The following ICA1 variants were observed in gnomAD, a reference collection of about 807,000 sequenced individuals.
ICA1 encodes 69 kDa islet cell autoantigen.
Under a neutral mutation model 71.0 loss-of-function variants are expected in ICA1, and 40 were observed. The ratio of observed to expected loss-of-function variants is 0.56; its 90% CI spans 0.44 to 0.73. ICA1 has a LOEUF of 0.73. ICA1 is among the 30% of genes least tolerant of loss of function. The pLI is 0.00. For synonymous variants in ICA1, 207 were observed against 209.5 expected, an observed-to-expected ratio of 0.99 and a Z score of 0.10; for missense variants, 578 against 576.5, an observed-to-expected ratio of 1.00 and a Z score of -0.03.
chr7:8,254,665 TAGGGCAGACC>T (rs1166783689), intron 1 of ICA1, among the ~76,000 whole-genome samples: 1 of 151,728 alleles, frequency 6.6e-6, no homozygotes, highest in Non-Finnish European at 1.5e-5. Flanking sequence ...ATGTACCCTC[TAGGGCAGACC>T]AGGTAGAAAA....
intron 6 of ICA1, among the ~76,000 whole-genome samples, chr7:8,192,129 A>G (rs1008921086): frequency 2.0e-5 from 3 of 152,248 alleles, no homozygotes; most frequent in African/African-American, 7.2e-5. Flanking sequence ...AATTATTGAA[A>G]TCAGGAAATT....
At chr7:8,126,716 T>C (rs1289563509) in intron 13 of ICA1, among the ~76,000 whole-genome samples, 5 of 152,168 alleles carry the variant, frequency 3.3e-5, no homozygotes, top group African/African-American at 1.2e-4. Flanking sequence ...CCTAAATTCA[T>C]AGAAAAACCA....
intron 12 of ICA1, among the ~76,000 whole-genome samples, chr7:8,136,437 C>T (rs1162968094): frequency 2.6e-5 from 4 of 152,190 alleles, no homozygotes; most frequent in South Asian, 2.1e-4. Flanking sequence ...TTCCAAAGGG[C>T]ACACATTTTG....
In ICA1 at chr7:8,173,017, T is replaced by C. The variant is rs1808960618; in HGVS notation, c.580-14365A>G. On this transcript the variant is annotated intron_variant, in intron 6 of 13. Coordinates refer to ENST00000402384, the MANE Select transcript of ICA1 (RefSeq NM_001136020.3). The surrounding 1 kb of genome is among the most constrained non-coding windows in gnomAD (Gnocchi z 4.0). ...ACTGACAACGGAGGTGAAAGTAAAATAGGGGCTTAGTTGCTTTGCTTTCTT... is the reference window on the plus strand; with the variant it reads ...ACTGACAACGGAGGTGAAAGTAAAACAGGGGCTTAGTTGCTTTGCTTTCTT... Among the ~76,000 whole-genome samples the C allele has an allele frequency of 6.6e-6, 1 of 152,188 alleles. No individual in the cohort carries two copies. Among genetic ancestry groups the C allele is most frequent in the African/African-American group, 2.4e-5 (1 of 41,454 alleles).
chr7:8,241,911 T>C (rs912758339), intron 1 of ICA1, among the ~76,000 whole-genome samples: 3 of 152,184 alleles, frequency 2.0e-5, no homozygotes, highest in African/African-American at 7.2e-5. Context: ...CCCAGATTCA[T>C]AAAGCAAATC....
intron 6 of ICA1, among the ~76,000 whole-genome samples, chr7:8,214,080 C>A (rs1794663824): frequency 6.6e-6 from 1 of 152,196 alleles, no homozygotes; most frequent in African/African-American, 2.4e-5. Context: ...TATGAGGACT[C>A]AGACTCCTAT....
chr7:8,159,009 A>C (rs2128198122), intron 6 of ICA1, among the ~76,000 whole-genome samples: 1 of 152,336 alleles, frequency 6.6e-6, no homozygotes, highest in East Asian at 1.9e-4. Context: ...TACAGTCTTT[A>C]GAAGCTGAGT....
chr7:8,130,148 G>A lies in ICA1; in HGVS notation c.1061-2006C>T, dbSNP rs898691799. 2.6e-5 allele frequency among the ~76,000 whole-genome samples: 4 copies of A among 152,096 alleles called. No homozygotes were observed. The highest frequency in any genetic ancestry group is 7.2e-5 in the African/African-American group (3 of 41,396). The stretch of plus-strand genomic sequence containing the variant: ...GTTCCAAGTCTTTGCTGCTAGTGCC[G>A]CAATAAACATACGTGGGCATGTGTC... On this transcript the variant is annotated intron_variant, in intron 12 of 13. Coordinates refer to ENST00000402384, the MANE Select transcript of ICA1 (RefSeq NM_001136020.3). The surrounding 1 kb of genome is among the most constrained non-coding windows in gnomAD (Gnocchi z 4.2).
intron 4 of ICA1, among the ~76,000 whole-genome samples, chr7:8,224,207 T>A (rs1220447606): frequency 6.6e-6 from 1 of 152,086 alleles, no homozygotes; most frequent in East Asian, 1.9e-4. Flanking sequence ...AGGGAAGGCA[T>A]CTCTGAGCAG....
intron 9 of ICA1, 92 bp downstream of exon 9, chr7:8,143,783 G>T (rs116110258): frequency 2.6e-5 from 20 of 766,156 alleles, no homozygotes; most frequent in Non-Finnish European, 4.4e-5. Context: ...AGACAAGTCT[G>T]CGTCTGAGGC....
intron 1 of ICA1, among the ~76,000 whole-genome samples, chr7:8,239,484 G>T (rs180951739): frequency 3.3e-5 from 5 of 152,306 alleles, no homozygotes; most frequent in Middle Eastern, 6.8e-3. Context: ...CGTGGCTGAC[G>T]CAGAAGATGG....
At chr7:8,203,923 G>A (rs77966896) in intron 6 of ICA1, among the ~76,000 whole-genome samples, 9 of 152,040 alleles carry the variant, frequency 5.9e-5, no homozygotes, top group Non-Finnish European at 2.9e-5. Flanking sequence ...GGATTCAGGC[G>A]CCAGACAGAC....
rs1040596485 is a variant in ICA1 at position 8,223,823 on chromosome 7, T to G, written c.257-2425A>C. 6.6e-6 allele frequency among the ~76,000 whole-genome samples: 1 copy of G among 152,198 alleles called. No individual in the cohort carries two copies. The highest frequency in any genetic ancestry group is 1.5e-5 in the Non-Finnish European group (1 of 68,032). On this transcript the variant is annotated intron_variant, in intron 4 of 13. Coordinates refer to ENST00000402384, the MANE Select transcript of ICA1 (RefSeq NM_001136020.3). This position sits in a 1 kb window ranked among gnomAD's most constrained non-coding sequence, Gnocchi z 4.1. ...CTCAAAATGTTCTATTAATAAGGTT[T>G]CAATTATCTGGGACTTGAGAATTCA...
chr7:8,244,331 G>A (rs1379232266), intron 1 of ICA1, among the ~76,000 whole-genome samples: 1 of 152,140 alleles, frequency 6.6e-6, no homozygotes, highest in Non-Finnish European at 1.5e-5. Context: ...TTAATAAATG[G>A]TGCTGGGAAA....
At chr7:8,243,236 T>A (rs912649611) in intron 1 of ICA1, among the ~76,000 whole-genome samples, 11 of 152,166 alleles carry the variant, frequency 7.2e-5, no homozygotes, top group African/African-American at 1.2e-4. Context: ...GTCGGCTTCA[T>A]CCCTGGAATG....
intron 12 of ICA1, among the ~76,000 whole-genome samples, chr7:8,128,810 G>C (rs564783864): frequency 4.1e-4 from 62 of 152,260 alleles, no homozygotes; most frequent in African/African-American, 1.4e-3. Context: ...TCACAGGCTA[G>C]AGACACAGTT....
chr7:8,131,445 G>A (rs1791409767), intron 12 of ICA1, among the ~76,000 whole-genome samples: 1 of 152,208 alleles, frequency 6.6e-6, no homozygotes, highest in Admixed American at 6.5e-5. Context: ...GACCCTTGGT[G>A]AGGATATTGC....
In ICA1 at chr7:8,144,120, C is replaced by A; in HGVS notation, c.805-148G>T. ...TTGAATTACAGGTATTGGGAGGTGA[C>A]CTTGAACCAATCAGCTGGAAGAAAT... On this transcript the variant is annotated intron_variant, in intron 8 of 13. Transcript: ENST00000402384. The surrounding 1 kb of genome is among the most constrained non-coding windows in gnomAD (Gnocchi z 4.5). The A allele has an allele frequency of 1.6e-6, 1 of 607,154 alleles. No homozygotes were observed. The highest frequency in any genetic ancestry group is 2.1e-5 in the South Asian group (1 of 48,348). The allele number at this position is 607,154 out of a possible 1,614,324, so 37.6% of individuals were successfully genotyped here.
At chr7:8,245,352 T>C (rs943374227) in intron 1 of ICA1, among the ~76,000 whole-genome samples, 10 of 139,884 alleles carry the variant, frequency 7.1e-5, no homozygotes, top group Admixed American at 2.3e-4. Flanking sequence ...TAGGTGGGAA[T>C]AGAACAATGA....
Sources: allele counts gnomAD v4.1 joint callset (sites outside exome capture counted in the v4.1 genomes callset), GRCh38; gene constraint gnomAD v4.1.1; non-coding constraint Gnocchi (gnomAD v3.1); transcripts MANE v1.5; gene names NCBI Gene and HGNC (gene_info 2026-07-23, HGNC 2026-07-21).